CAPN8: variants seen among roughly 807,000 people sequenced by gnomAD.
CAPN8 encodes calpain-8.
A neutral mutation model predicts 80.9 loss-of-function variants in CAPN8; 87 were observed. The ratio of observed to expected loss-of-function variants is 1.07; its 90% confidence interval spans 0.90 to 1.28. CAPN8 has a LOEUF of 1.28. CAPN8 is among the 50% of genes most tolerant of loss of function. The probability of loss-of-function intolerance (pLI) is 0.00; values close to 1 mark genes in which losing one functional copy is unlikely to be tolerated. For missense variants in CAPN8, 757 were observed against 702.0 expected (o/e 1.08, Z -0.89); for synonymous variants, 299 against 273.8 (o/e 1.09, Z -0.91).
intron 2 of CAPN8, among the ~76,000 whole-genome samples, chr1:223,645,285 T>A (rs1045800543): frequency 6.6e-6 from 1 of 152,192 alleles, no homozygotes; most frequent in African/African-American, 2.4e-5. Context: ...GATTAGATGG[T>A]GCCCACCCAG....
intron 2 of CAPN8, among the ~76,000 whole-genome samples, chr1:223,645,256 C>A (rs1268542723): frequency 2.0e-5 from 3 of 152,170 alleles, no homozygotes; most frequent in Non-Finnish European, 4.4e-5. Flanking sequence ...CTGCTTTTAT[C>A]CTGGCCACGC....
At chr1:223,619,207 A>AAATAG in intron 9 of CAPN8, 86 bp downstream of exon 9, 1 of 1,489,708 alleles carries the variant, frequency 6.7e-7, no homozygotes, top group Non-Finnish European at 9.0e-7. Context: ...AAAACACACA[A>AAATAG]AATAGCACCA....
intron 2 of CAPN8, among the ~76,000 whole-genome samples, chr1:223,649,753 A>T (rs745361292): frequency 3.3e-5 from 5 of 152,210 alleles, no homozygotes; most frequent in African/African-American, 4.8e-5. Flanking sequence ...TTTAATAACG[A>T]TGATAGGCAG....
intron 1 of CAPN8, among the ~76,000 whole-genome samples, chr1:223,664,894 C>T (rs989826725): frequency 3.9e-5 from 6 of 152,102 alleles, no homozygotes; most frequent in Admixed American, 2.0e-4. Context: ...GCACTGTGAT[C>T]GCACCACTGC....
intron 2 of CAPN8, among the ~76,000 whole-genome samples, chr1:223,632,571 T>C (rs893233204): frequency 3.9e-5 from 6 of 152,192 alleles, no homozygotes; most frequent in Admixed American, 1.3e-4. Context: ...GGTCTCACTA[T>C]GTTGCCCATG....
intron 2 of CAPN8, among the ~76,000 whole-genome samples, chr1:223,638,667 C>T (rs1190887044): frequency 6.6e-6 from 1 of 152,124 alleles, no homozygotes; most frequent in Non-Finnish European, 1.5e-5. Context: ...TCTGCTGACA[C>T]CCCAGGCTCT....
At chr1:223,615,606 C>T (rs1202911113) in intron 10 of CAPN8, among the ~76,000 whole-genome samples, 1 of 152,166 alleles carries the variant, frequency 6.6e-6, no homozygotes, top group African/African-American at 2.4e-5. Flanking sequence ...CAGTGATGCC[C>T]CTCATCTTCC....
chr1:223,643,801 G>A (rs982779925), intron 2 of CAPN8, among the ~76,000 whole-genome samples: 2 of 152,202 alleles, frequency 1.3e-5, no homozygotes, highest in African/African-American at 2.4e-5. Flanking sequence ...CCCAGGGTCC[G>A]CACCATAATT....
At chr1:223,626,018 TA>T (rs919397823) in intron 5 of CAPN8, 130 bp from the exon 6 acceptor site, 1 of 661,842 alleles carries the variant, frequency 1.5e-6, no homozygotes, top group Admixed American at 2.3e-5. Context: ...TAGGCATGGC[TA>T]TGAACCTCAG....
At chr1:223,637,367 G>A (rs917459932) in intron 2 of CAPN8, among the ~76,000 whole-genome samples, 5 of 152,042 alleles carry the variant, frequency 3.3e-5, no homozygotes, top group African/African-American at 4.8e-5. Context: ...CCCTGGTAAC[G>A]CCTGGCTCCA....
At chr1:223,665,130 G>A (rs1029266579) in intron 1 of CAPN8, among the ~76,000 whole-genome samples, 6 of 151,908 alleles carry the variant, frequency 3.9e-5, no homozygotes, top group African/African-American at 1.5e-4. Flanking sequence ...GCACATGCCT[G>A]TAATCCCAGC....
intron 11 of CAPN8, among the ~76,000 whole-genome samples, chr1:223,611,097 T>G (rs558698235): frequency 2.6e-5 from 4 of 152,278 alleles, no homozygotes; most frequent in South Asian, 2.1e-4. Flanking sequence ...TGGAGAAAGC[T>G]CCATTGTGTG....
chr1:223,614,752 C>T (rs988871151), intron 10 of CAPN8, among the ~76,000 whole-genome samples: 2 of 152,198 alleles, frequency 1.3e-5, no homozygotes, highest in Admixed American at 1.3e-4. Context: ...GCTTTCAGCA[C>T]AGCACCCGGC....
intron 10 of CAPN8, 137 bp downstream of exon 10, chr1:223,615,833 A>T: frequency 1.0e-6 from 1 of 1,004,820 alleles, no homozygotes; most frequent in Non-Finnish European, 1.5e-6. Flanking sequence ...CCACTGGGAG[A>T]GGTATATAGA....
At chr1:223,656,726 C>T (rs1278356153) in intron 1 of CAPN8, among the ~76,000 whole-genome samples, 1 of 135,484 alleles carries the variant, frequency 7.4e-6, no homozygotes, top group African/African-American at 2.7e-5. Context: ...CTCTTTGGCC[C>T]AAGCCAGAAT....
rs564826686 is a variant in CAPN8, at chr1:223,659,593, G to A, written c.238-5194C>T. Among the ~76,000 whole-genome samples the A allele has an allele frequency of 7.9e-5, 12 of 152,150 alleles. 1 individual carries two copies. The East Asian group carries it at 1.2e-3, about 15-fold the overall frequency. Reference sequence around the variant, plus strand: ...CAACAATCCCAACTCAAACGTCTCCGGTAATTAACCTGCCCCAATGTCACT... The same window carrying A: ...CAACAATCCCAACTCAAACGTCTCCAGTAATTAACCTGCCCCAATGTCACT... On this transcript the variant is annotated intron_variant, in intron 1 of 20. Transcript: ENST00000366872.
chr1:223,628,872 C>T (rs1435113543), intron 2 of CAPN8, 92 bp from the exon 3 acceptor site: 22 of 1,008,226 alleles, frequency 2.2e-5, no homozygotes, highest in Admixed American at 7.4e-5. Context: ...CCAGAGTCCA[C>T]GTTGCCACAT....
chr1:223,620,324 C>G (rs978986194), intron 7 of CAPN8, 58 bp from the exon 8 acceptor site: 7 of 1,431,194 alleles, frequency 4.9e-6, no homozygotes, highest in Admixed American at 4.0e-5. Flanking sequence ...GCAGGGCAAG[C>G]TGTTTACTGC....
intron 13 of CAPN8, among the ~76,000 whole-genome samples, chr1:223,554,166 C>G (rs1656857882): frequency 6.6e-6 from 1 of 152,118 alleles, no homozygotes; most frequent in African/African-American, 2.4e-5. Context: ...AAGTGAGCCC[C>G]ACCAACCCTG....
Sources: gnomAD v4.1 joint callset for allele counts (sites outside exome capture counted in the v4.1 genomes callset) on GRCh38, gnomAD v4.1.1 for gene constraint, MANE v1.5 for transcripts, NCBI Gene and HGNC (gene_info 2026-07-23, HGNC 2026-07-21) for gene names.